The following GTPBP2 variants were observed in gnomAD, a reference collection of about 807,000 sequenced individuals.
The protein encoded by GTPBP2 is GTP-binding protein 2.
Under a neutral mutation model 63.0 loss-of-function variants are expected in GTPBP2, and 32 were observed. The observed-to-expected ratio is 0.51, with a 90% CI of 0.38 to 0.68. The LOEUF is 0.68. GTPBP2 is among the 30% of genes least tolerant of loss of function. The pLI, the probability that GTPBP2 is intolerant of heterozygous loss-of-function variation, is 0.00. For missense variants in GTPBP2, 492 were observed against 796.9 expected, an observed-to-expected ratio of 0.62 and a Z score of 4.61; for synonymous variants, 310 against 322.6, an observed-to-expected ratio of 0.96 and a Z score of 0.42.
chr6:43,621,439 C>T lies in GTPBP2; in HGVS notation c.*175G>A, dbSNP rs1240117502. ...GTCTTCTCCCTCAGGACTGCCCTTT[C>T]CTGGCCACACCAAGTTTGGCACCTC... On this transcript the variant is annotated 3_prime_UTR_variant, in exon 12 of 12. Coordinates refer to ENST00000307126, the MANE Select transcript of GTPBP2 (RefSeq NM_019096.5). 16 of 1,546,230 alleles carry T rather than the reference C, an allele frequency of 1.0e-5. No individual in the cohort carries two copies. The highest frequency in any genetic ancestry group is 1.4e-5 in the Non-Finnish European group (16 of 1,144,082).
At position 43,621,551 on chromosome 6, in the gene GTPBP2, C is replaced by G. The variant is rs746717945; in HGVS notation, c.*63G>C. 1.1e-5 allele frequency: 17 copies of G among 1,612,206 alleles called. No homozygotes were observed. In the African/African-American group the frequency reaches 2.3e-4, roughly 22 times the overall value. On this transcript the variant is annotated 3_prime_UTR_variant, in exon 12 of 12. Coordinates refer to ENST00000307126, the MANE Select transcript of GTPBP2 (RefSeq NM_019096.5). Reference sequence around the variant, plus strand: ...CACAGAGCCGCCAATGGCAGGGCAGCATGGCCAGAAGTCACCTTATATATT... The same window carrying G: ...CACAGAGCCGCCAATGGCAGGGCAGGATGGCCAGAAGTCACCTTATATATT...
intron 11 of GTPBP2, 64 bp downstream of exon 11, chr6:43,621,939 C>T (rs767585050): frequency 8.1e-6 from 13 of 1,601,682 alleles, no homozygotes; most frequent in Non-Finnish European, 1.1e-5. Context: ...AGTTCTCTGC[C>T]AGTCTGGGGC....
chr6:43,629,201 G>GACC lies in GTPBP2; in HGVS notation c.-42_-40dup. The GACC allele has an allele frequency of 1.3e-6, 1 of 794,374 alleles. No individual in the cohort carries two copies. Among genetic ancestry groups the GACC allele is most frequent in the Non-Finnish European group, 1.5e-6 (1 of 646,430 alleles). The allele number at this position is 794,374 out of a possible 1,614,324, so 49.2% of individuals were successfully genotyped here. Reference sequence around the variant, plus strand: ...CAGCCCCCCGCCCGGCCCCTCCCCCGACCGCCGCCGCCGTCGCCGCCGCCC... The same window carrying GACC: ...CAGCCCCCCGCCCGGCCCCTCCCCCGACCACCGCCGCCGCCGTCGCCGCCGCCC... On this transcript the variant is annotated 5_prime_UTR_variant, in exon 1 of 12. Transcript: ENST00000307126.
At position 43,621,376 on chromosome 6, in the gene GTPBP2, A is replaced by G; in HGVS notation, c.*238T>C. On this transcript the variant is annotated 3_prime_UTR_variant, in exon 12 of 12. Transcript: ENST00000307126. Reference sequence around the variant, plus strand: ...GGTTGCCAGGTTTGATGAGCCAACCAGGTGAGCACACAGCTTCGGAGCACT... The same window carrying G: ...GGTTGCCAGGTTTGATGAGCCAACCGGGTGAGCACACAGCTTCGGAGCACT... 2 of 1,499,414 alleles carry G rather than the reference A, an allele frequency of 1.3e-6. No homozygotes were observed. Among genetic ancestry groups the G allele is most frequent in the South Asian group, 1.2e-5 (1 of 82,678 alleles). The allele number at this position is 1,499,414 out of a possible 1,614,324, so 92.9% of individuals were successfully genotyped here.
At position 43,625,495 on chromosome 6, in the gene GTPBP2, G is replaced by T. The variant is rs765672325; in HGVS notation, c.573C>A (p.Val191=). 6.2e-7 allele frequency: 1 copy of T among 1,614,016 alleles called. No individual in the cohort carries two copies. Among genetic ancestry groups the T allele is most frequent in the Non-Finnish European group, 8.5e-7 (1 of 1,179,892 alleles). ...VDSGKSTLLG[V]LTQGELDNGR... ...CATTGTCCAGCTCTCCCTGGGTCAG[G>T]ACTCCAAGCAGAGTTGACTTCCCAG... The change falls in exon 5 of 12, where the codon GTC becomes GTA. Residue 191 remains valine (V), a synonymous_variant. Coordinates refer to ENST00000307126, the MANE Select transcript of GTPBP2 (RefSeq NM_019096.5). The surrounding 1 kb of genome is among the most constrained non-coding windows in gnomAD (Gnocchi z 5.1).
In GTPBP2 at chr6:43,622,184, C is replaced by G. The variant is rs1428560997; in HGVS notation, c.1468-17G>C. 1 of 1,600,786 alleles carries G rather than the reference C, an allele frequency of 6.2e-7. No homozygotes were observed. On this transcript the variant is annotated splice_polypyrimidine_tract_variant and intron_variant, in intron 10 of 11. Transcript: ENST00000307126. This position sits in a 1 kb window ranked among gnomAD's most constrained non-coding sequence, Gnocchi z 5.4. ...CACCATGCCCTGGGGAGGAACAGAC[C>G]CCAGGCCCAGGAAGGGCAGCTCTAA...
In GTPBP2 at chr6:43,622,536, A is replaced by C. The variant is rs1768861757; in HGVS notation, c.1467+97T>G. The C allele has an allele frequency of 2.5e-6, 3 of 1,179,118 alleles. No homozygotes were observed. Among genetic ancestry groups the C allele is most frequent in the African/African-American group, 1.5e-5 (1 of 65,124 alleles). The allele number at this position is 1,179,118 out of a possible 1,614,324, so 73.0% of individuals were successfully genotyped here. On this transcript the variant is annotated intron_variant, in intron 10 of 11. Transcript: ENST00000307126. The surrounding 1 kb of genome is among the most constrained non-coding windows in gnomAD (Gnocchi z 5.4). Reference sequence around the variant, plus strand: ...TGGGTCAGAGAGTGTGTTTCCTCTGAGTTTCTCTGAAGCACCTTAGATAGG... The same window carrying C: ...TGGGTCAGAGAGTGTGTTTCCTCTGCGTTTCTCTGAAGCACCTTAGATAGG...
rs45618540 is a variant in GTPBP2, at chr6:43,620,996, G to A, written c.*618C>T. 3,364 of 194,544 alleles carry A rather than the reference G, an allele frequency of 0.017. 44 individuals are homozygous for A. Among genetic ancestry groups the A allele is most frequent in the South Asian group, 0.03 (308 of 10,106 alleles). The allele number at this position is 194,544 out of a possible 1,614,324, so 12.1% of individuals were successfully genotyped here. A position where few individuals can be genotyped will look rare whatever the true frequency, so the allele number is the denominator to read the frequency against. Reference sequence around the variant, plus strand: ...GGAGGGGATGGGGGAGATAGGGACTGGGGAAATGGCCCTTGAGTGAAGGAA... The same window carrying A: ...GGAGGGGATGGGGGAGATAGGGACTAGGGAAATGGCCCTTGAGTGAAGGAA... On this transcript the variant is annotated 3_prime_UTR_variant, in exon 12 of 12. Coordinates refer to ENST00000307126, the MANE Select transcript of GTPBP2 (RefSeq NM_019096.5).
chr6:43,622,236 C>T lies in GTPBP2; in HGVS notation c.1468-69G>A. ...ATCAGACTCTCCCTCCCCAGCCACCCCACACCCTTTATAGCTCCTGAATTT... is the reference window on the plus strand; with the variant it reads ...ATCAGACTCTCCCTCCCCAGCCACCTCACACCCTTTATAGCTCCTGAATTT... On this transcript the variant is annotated intron_variant, in intron 10 of 11. Transcript: ENST00000307126. The surrounding 1 kb of genome is among the most constrained non-coding windows in gnomAD (Gnocchi z 5.4). 1 of 1,355,900 alleles carries T rather than the reference C, an allele frequency of 7.4e-7. No individual in the cohort carries two copies. The highest frequency in any genetic ancestry group is 1.0e-6 in the Non-Finnish European group (1 of 969,710). The allele number at this position is 1,355,900 out of a possible 1,614,324, so 84.0% of individuals were successfully genotyped here.
intron 9 of GTPBP2, 164 bp downstream of exon 9, chr6:43,623,573 G>C (rs749356013): frequency 6.3e-6 from 4 of 637,032 alleles, no homozygotes; most frequent in Non-Finnish European, 1.1e-5. Context: ...AAAGCCAACA[G>C]ACTACCGTTC....
In GTPBP2 at chr6:43,622,524, G is replaced by A. The variant is rs1393065824; in HGVS notation, c.1467+109C>T. The A allele has an allele frequency of 1.2e-5, 12 of 1,037,214 alleles. No individual in the cohort carries two copies. Among genetic ancestry groups the A allele is most frequent in the East Asian group, 7.2e-5 (3 of 41,722 alleles). The allele number at this position is 1,037,214 out of a possible 1,614,324, so 64.3% of individuals were successfully genotyped here. On this transcript the variant is annotated intron_variant, in intron 10 of 11. Transcript: ENST00000307126. The surrounding 1 kb of genome is among the most constrained non-coding windows in gnomAD (Gnocchi z 5.4). ...CCAGAAGCTTCTTGGGTCAGAGAGT[G>A]TGTTTCCTCTGAGTTTCTCTGAAGC...
Position 43,624,391 on chromosome 6 carries a change from C to T in GTPBP2, c.1100+119G>A, listed in dbSNP as rs552467505. On this transcript the variant is annotated intron_variant, in intron 7 of 11. Coordinates refer to ENST00000307126, the MANE Select transcript of GTPBP2 (RefSeq NM_019096.5). The surrounding 1 kb of genome is among the most constrained non-coding windows in gnomAD (Gnocchi z 5.1). ...CCCTCCACAATCCCAAGCTGAAACA[C>T]CCGCAGAACTAAGCCAGAACTGGTC... 15 of 766,766 alleles carry T rather than the reference C, an allele frequency of 2.0e-5. No homozygotes were observed. In the African/African-American group the frequency reaches 2.4e-4, roughly 12 times the overall value. 47.5% of individuals were successfully genotyped at this position (766,766 alleles called of 1,614,324 possible). A position where few individuals can be genotyped will look rare whatever the true frequency, so the allele number is the denominator to read the frequency against.
At position 43,626,486 on chromosome 6, in the gene GTPBP2, C is replaced by CTTAACACACCA; in HGVS notation, c.214-77_214-76insTGGTGTGTTAA. The CTTAACACACCA allele has an allele frequency of 8.6e-7, 1 of 1,167,176 alleles. No individual in the cohort carries two copies. The highest frequency in any genetic ancestry group is 1.3e-5 in the South Asian group (1 of 74,600). 72.3% of individuals were successfully genotyped at this position (1,167,176 alleles called of 1,614,324 possible). On this transcript the variant is annotated intron_variant, in intron 2 of 11. Transcript: ENST00000307126. This position sits in a 1 kb window ranked among gnomAD's most constrained non-coding sequence, Gnocchi z 4.0. ...ACCTACATGGTCCCCACCTGTTCTGCTGCAAGGACCAGGACTTTCTCTTTC... is the reference window on the plus strand; with the variant it reads ...ACCTACATGGTCCCCACCTGTTCTGCTTAACACACCATGCAAGGACCAGGACTTTCTCTTTC...
rs903379635 is a variant in GTPBP2, at chr6:43,621,516, C to G, written c.*98G>C. 6.3e-7 allele frequency: 1 copy of G among 1,589,772 alleles called. No individual in the cohort carries two copies. The highest frequency in any genetic ancestry group is 1.3e-5 in the African/African-American group (1 of 74,478). On this transcript the variant is annotated 3_prime_UTR_variant, in exon 12 of 12. Coordinates refer to ENST00000307126, the MANE Select transcript of GTPBP2 (RefSeq NM_019096.5). ...GCAGACAGCACCCCTCTCTCCCTAG[C>G]CTATTAACACACAGAGCCGCCAATG... is the stretch of plus-strand genomic sequence containing the variant.
Position 43,622,837 on chromosome 6 carries a change from G to T in GTPBP2, c.1296-33C>A. 6.4e-7 allele frequency: 1 copy of T among 1,558,706 alleles called. No individual in the cohort carries two copies. Among genetic ancestry groups the T allele is most frequent in the Middle Eastern group, 1.7e-4 (1 of 5,856 alleles). On this transcript the variant is annotated intron_variant, in intron 9 of 11. Transcript: ENST00000307126. The surrounding 1 kb of genome is among the most constrained non-coding windows in gnomAD (Gnocchi z 5.4). The stretch of plus-strand genomic sequence containing the variant: ...CCAGAGGGCAGGTGGCACAGTGTCA[G>T]CCAAGGTCCCCATACCTACTTCTCT...
At chr6:43,628,477 T>C in intron 1 of GTPBP2, 2 of 627,292 alleles carry the variant, frequency 3.2e-6, no homozygotes, top group Non-Finnish European at 4.0e-6. Context: ...AGGCTGTGTG[T>C]GTGTGTGTGT....
chr6:43,627,153 G>C (rs1234127920), intron 1 of GTPBP2: 1 of 633,704 alleles, frequency 1.6e-6, no homozygotes, highest in Non-Finnish European at 2.4e-6. Context: ...AGGCCTATAA[G>C]GACACAAGGA....
In GTPBP2 at chr6:43,622,575, G is replaced by A. The variant is rs1768868697; in HGVS notation, c.1467+58C>T. 16 of 1,485,744 alleles carry A rather than the reference G, an allele frequency of 1.1e-5. No homozygotes were observed. The highest frequency in any genetic ancestry group is 1.4e-5 in the Non-Finnish European group (15 of 1,078,702). The allele number at this position is 1,485,744 out of a possible 1,614,324, so 92.0% of individuals were successfully genotyped here. On this transcript the variant is annotated intron_variant, in intron 10 of 11. Coordinates refer to ENST00000307126, the MANE Select transcript of GTPBP2 (RefSeq NM_019096.5). This position sits in a 1 kb window ranked among gnomAD's most constrained non-coding sequence, Gnocchi z 5.4. Reference sequence around the variant, plus strand: ...ACCTTAGATAGGTGCTCATTCAGTAGCCAGTCTCCTAGGCACTTCTCTTAG... The same window carrying A: ...ACCTTAGATAGGTGCTCATTCAGTAACCAGTCTCCTAGGCACTTCTCTTAG...
At chr6:43,627,051 G>T in intron 1 of GTPBP2, 103 bp from the exon 2 acceptor site, 1 of 1,048,066 alleles carries the variant, frequency 9.5e-7, no homozygotes, top group Non-Finnish European at 1.4e-6. Context: ...AAAGCAGGAA[G>T]CCCCACTGGC....
Sources: gnomAD v4.1 joint callset for allele counts on GRCh38, gnomAD v4.1.1 for gene constraint, Gnocchi (gnomAD v3.1) non-coding constraint, MANE v1.5 for transcripts, NCBI Gene and HGNC (gene_info 2026-07-23, HGNC 2026-07-21) for gene names.